CNTNAP3B: variants seen among roughly 807,000 people sequenced by gnomAD.
CNTNAP3B encodes contactin-associated protein-like 3B.
Under a neutral mutation model 108.9 loss-of-function variants are expected in CNTNAP3B, and 25 were observed. The observed-to-expected ratio is 0.23, with a 90% confidence interval of 0.17 to 0.32. The LOEUF is 0.32. CNTNAP3B is among the 10% of genes least tolerant of loss of function. CNTNAP3B has a pLI of 1.00. For missense variants in CNTNAP3B, 252 were observed against 1,210.4 expected (o/e 0.21, Z 11.75); for synonymous variants, 103 against 473.4 (o/e 0.22, Z 10.16).
chr9:41,919,212 G>A (rs1823601938), intron 18 of CNTNAP3B, among the ~76,000 whole-genome samples: 1 of 151,936 alleles, frequency 6.6e-6, no homozygotes, highest in Non-Finnish European at 1.5e-5. Context: ...TCGACTCACT[G>A]CAACCTCTGC....
At chr9:41,988,596 G>A (rs1339809768) in intron 8 of CNTNAP3B, among the ~76,000 whole-genome samples, 2 of 148,508 alleles carry the variant, frequency 1.3e-5, no homozygotes, top group South Asian at 2.1e-4. Context: ...AAAATTGAAA[G>A]CAGGCAAATG....
At position 41,929,377 on chromosome 9, in the gene CNTNAP3B, TG is replaced by T. The variant is rs1823911048; in HGVS notation, c.2304del (p.Asp768GlufsTer83). ...HLPVTQIVMT[D>X]TGQPHSEADY... ...TCTGCTTCGGAATGTGGTTGGCCTG[TG>T]TCTGTCATCACAATCTGAGTGACTG... On this transcript the variant is annotated frameshift_variant, in exon 15 of 24. Coordinates refer to ENST00000377561, the MANE Select transcript of CNTNAP3B (RefSeq NM_001201380.3). LOFTEE classifies it high-confidence loss of function. 6.5e-7 allele frequency: 1 copy of T among 1,535,958 alleles called. No individual in the cohort carries two copies.
At chr9:41,991,921 C>G in intron 7 of CNTNAP3B, 50 bp from the exon 8 acceptor site, 1 of 741,202 alleles carries the variant, frequency 1.3e-6, no homozygotes, top group Non-Finnish European at 2.1e-6. Context: ...GGTGGTGCTT[C>G]TATCTAATTA....
At chr9:41,918,890 TG>T (rs1823590001) in intron 18 of CNTNAP3B, among the ~76,000 whole-genome samples, 1 of 143,432 alleles carries the variant, frequency 7.0e-6, no homozygotes, top group Non-Finnish European at 1.5e-5. Context: ...CAAGAACTTC[TG>T]AAAATTTAAA....
chr9:41,943,455 C>G (rs1824425442), intron 13 of CNTNAP3B, among the ~76,000 whole-genome samples: 1 of 151,604 alleles, frequency 6.6e-6, no homozygotes, highest in Non-Finnish European at 1.5e-5. Context: ...TGGGTTCACG[C>G]CATTCTCCTG....
At chr9:42,120,937 G>GT (rs1828448073) in intron 1 of CNTNAP3B, among the ~76,000 whole-genome samples, 2 of 138,202 alleles carry the variant, frequency 1.4e-5, no homozygotes, top group South Asian at 4.7e-4. Flanking sequence ...AAACCTGCAC[G>GT]TTGTGCACAT....
At position 42,112,149 on chromosome 9, in the gene CNTNAP3B, G is replaced by A. The variant is rs1367184009; in HGVS notation, c.86-7410C>T. Among the ~76,000 whole-genome samples the A allele has an allele frequency of 5.7e-5, 8 of 139,884 alleles. 1 individual carries two copies. Among genetic ancestry groups the A allele is most frequent in the African/African-American group, 1.1e-4 (4 of 35,410 alleles). 91.8% of individuals were successfully genotyped at this position (139,884 alleles called of 152,430 possible). A position where few individuals can be genotyped will look rare whatever the true frequency, so the allele number is the denominator to read the frequency against. ...ACTGTTTCCTGAATGTGGGATGCAT[G>A]CACCAATGCTCCTTGACCGCTCACC... is the stretch of plus-strand genomic sequence containing the variant. On this transcript the variant is annotated intron_variant, in intron 1 of 23. Coordinates refer to ENST00000377561, the MANE Select transcript of CNTNAP3B (RefSeq NM_001201380.3).
chr9:41,915,476 T>A (rs1053516857), intron 18 of CNTNAP3B, among the ~76,000 whole-genome samples: 1 of 120,506 alleles, frequency 8.3e-6, no homozygotes, highest in Non-Finnish European at 1.7e-5. Flanking sequence ...TATTTCTTCT[T>A]CTTGCTTAAT....
chr9:41,942,400 G>C (rs1824379932), intron 13 of CNTNAP3B, among the ~76,000 whole-genome samples: 1 of 152,150 alleles, frequency 6.6e-6, no homozygotes, highest in Non-Finnish European at 1.5e-5. Flanking sequence ...CACGAGGTCA[G>C]GAGATCCAGA....
chr9:41,928,559 C>T (rs1426228445), intron 15 of CNTNAP3B, among the ~76,000 whole-genome samples: 5 of 152,320 alleles, frequency 3.3e-5, no homozygotes, highest in Non-Finnish European at 7.3e-5. Context: ...CACCATCTGG[C>T]ACACTCGGCA....
At chr9:41,925,176 A>C (rs982391837) in intron 15 of CNTNAP3B, among the ~76,000 whole-genome samples, 3 of 149,760 alleles carry the variant, frequency 2.0e-5, no homozygotes, top group Non-Finnish European at 3.0e-5. Flanking sequence ...AAATTTTTTC[A>C]TCCAATGGTT....
chr9:41,988,238 ATTTTTTTTTT>A (rs1209677991), intron 8 of CNTNAP3B, among the ~76,000 whole-genome samples: 2 of 25,870 alleles, frequency 7.7e-5, no homozygotes, highest in Non-Finnish European at 1.5e-4. Flanking sequence ...CCTTCTTTGA[ATTTTTTTTTT>A]TTTTTTTTTT....
chr9:41,954,803 C>A (rs1188198156), intron 12 of CNTNAP3B, among the ~76,000 whole-genome samples: 3 of 152,374 alleles, frequency 2.0e-5, no homozygotes, highest in African/African-American at 4.8e-5. Context: ...CCTGTCTCAG[C>A]CTCACAAGTA....
chr9:42,049,513 GCTGA>G (rs1382683190), intron 3 of CNTNAP3B, among the ~76,000 whole-genome samples: 1 of 134,140 alleles, frequency 7.5e-6, no homozygotes, highest in Admixed American at 7.4e-5. Context: ...TCTGCAAACA[GCTGA>G]CTATTGCTGG....
Position 41,953,259 on chromosome 9 carries a change from G to A in CNTNAP3B, c.2004C>T (p.Ala668=). Residue 668 remains alanine (A), a synonymous_variant, in exon 13 of 24, where the codon GCC becomes GCT. Coordinates refer to ENST00000377561, the MANE Select transcript of CNTNAP3B (RefSeq NM_001201380.3). ...AYAAGAGQLR[A]AVNLAERCEQ... The stretch of plus-strand genomic sequence containing the variant: ...CGCAGCGCTCCGCCAGGTTCACCGC[G>A]GCCCGCAGCTGCCCCGCGCCCGCTG... The A allele has an allele frequency of 2.0e-6, 3 of 1,526,106 alleles. No homozygotes were observed. The highest frequency in any genetic ancestry group is 1.2e-5 in the South Asian group (1 of 83,178). 94.5% of individuals were successfully genotyped at this position (1,526,106 alleles called of 1,614,324 possible).
intron 13 of CNTNAP3B, among the ~76,000 whole-genome samples, chr9:41,944,436 A>G (rs1221361943): frequency 8.5e-5 from 13 of 152,288 alleles, no homozygotes; most frequent in Admixed American, 6.5e-4. Context: ...TGTGTTATAA[A>G]GTACCAGCAC....
intron 3 of CNTNAP3B, among the ~76,000 whole-genome samples, chr9:42,047,270 G>A (rs1375426131): frequency 1.1e-4 from 12 of 110,250 alleles, no homozygotes; most frequent in African/African-American, 3.5e-4. Context: ...AGACTTCTCC[G>A]TATTATTTGG....
At chr9:41,914,779 CAA>C (rs1564140547) in intron 18 of CNTNAP3B, among the ~76,000 whole-genome samples, 1 of 102,624 alleles carries the variant, frequency 9.7e-6, no homozygotes, top group East Asian at 2.5e-4. Context: ...ATGATCTTGA[CAA>C]AGACTATGTT....
At chr9:42,125,432 T>A (rs1157354445) in intron 1 of CNTNAP3B, among the ~76,000 whole-genome samples, 1 of 141,754 alleles carries the variant, frequency 7.1e-6, no homozygotes, top group Non-Finnish European at 1.5e-5. Flanking sequence ...GTCCTGGGCC[T>A]CCCCACTACC....
Sources: gnomAD v4.1 joint callset for allele counts (sites outside exome capture counted in the v4.1 genomes callset) on GRCh38, gnomAD v4.1.1 for gene constraint, MANE v1.5 for transcripts, NCBI Gene and HGNC (gene_info 2026-07-23, HGNC 2026-07-21) for gene names.